ANKFN1: variants seen among roughly 807,000 people sequenced by gnomAD.
ANKFN1 encodes ankyrin repeat and fibronectin type-III domain-containing protein 1.
In ANKFN1, 74 loss-of-function variants were observed where a neutral mutation model predicts 108.7. The ratio of observed to expected loss-of-function variants is 0.68; its 90% CI spans 0.56 to 0.83. The LOEUF (loss-of-function observed/expected upper bound fraction) is 0.83, where lower values mean the gene tolerates loss of function less well. Ranked by LOEUF, ANKFN1 falls within the 40% of genes least tolerant of loss-of-function variation. ANKFN1 has a pLI of 0.00. For synonymous variants in ANKFN1, 547 were observed against 516.2 expected (o/e 1.06, Z -0.81); for missense variants, 1,505 against 1,382.3 (o/e 1.09, Z -1.41).
At chr17:56,169,535 G>T (rs1188714204) in intron 1 of ANKFN1, among the ~76,000 whole-genome samples, 1 of 152,142 alleles carries the variant, frequency 6.6e-6, no homozygotes, top group Non-Finnish European at 1.5e-5. Context: ...CTCCCAAAAT[G>T]CTGGATTATA....
intron 1 of ANKFN1, chr17:56,206,463 C>T (rs1032326162): frequency 6.6e-6 from 1 of 152,076 alleles, no homozygotes; most frequent in African/African-American, 2.4e-5. Flanking sequence ...TCTAACTATT[C>T]AACCCCCTCT....
At chr17:56,141,602 C>T (rs1480597934) in intron 4 of ANKFN1, among the ~76,000 whole-genome samples, 2 of 152,014 alleles carry the variant, frequency 1.3e-5, no homozygotes, top group African/African-American at 4.8e-5. Context: ...TCTGAATCAC[C>T]CATATAGTGT....
chr17:56,465,596 A>T (rs2050046090), intron 14 of ANKFN1, among the ~76,000 whole-genome samples: 1 of 152,180 alleles, frequency 6.6e-6, no homozygotes, highest in Non-Finnish European at 1.5e-5. Flanking sequence ...AGGGGATTTT[A>T]TCCTATTCAT....
chr17:56,484,587 AG>A (rs1267702560), intron 18 of ANKFN1, among the ~76,000 whole-genome samples: 4 of 152,290 alleles, frequency 2.6e-5, no homozygotes, highest in African/African-American at 9.6e-5. Context: ...TTGAGACTGA[AG>A]GTGCTAAGTC....
chr17:56,391,368 ATGTGTGTGTGTGTGTG>A (rs199687714), intron 8 of ANKFN1, among the ~76,000 whole-genome samples: 3,397 of 128,714 alleles, frequency 0.026, 77 homozygotes, highest in Non-Finnish European at 0.038. Context: ...ACATATATAT[ATGTGTGTGTGTGTGTG>A]TGTGTGTGTG....
chr17:56,383,655 C>A (rs1453204603), intron 8 of ANKFN1, among the ~76,000 whole-genome samples: 1 of 152,174 alleles, frequency 6.6e-6, no homozygotes. Context: ...GATATCACCA[C>A]CGATCCCACA....
intron 4 of ANKFN1, among the ~76,000 whole-genome samples, chr17:56,115,174 G>A (rs1003578222): frequency 3.3e-5 from 5 of 152,198 alleles, no homozygotes; most frequent in Non-Finnish European, 5.9e-5. Flanking sequence ...TGTGCCATTT[G>A]TCTCAGCAGT....
In ANKFN1 at chr17:56,354,002, T is replaced by C; in HGVS notation, c.557T>C (p.Ile186Thr). Residue 186 changes from isoleucine to threonine, a missense_variant, in exon 6 of 21, where the codon ATT becomes ACT. Ile to Thr is a moderately conservative substitution (Grantham distance 89). Transcript: ENST00000682825. ...DIAIMTNNVP[I>T]ARILLRTGAR... The stretch of plus-strand genomic sequence containing the variant: ...GCCATCATGACCAACAATGTGCCCA[T>C]TGCAAGGATTCTTCTGAGGACAGGG... 1.9e-6 allele frequency: 3 copies of C among 1,613,896 alleles called. No homozygotes were observed. The highest frequency in any genetic ancestry group is 2.5e-6 in the Non-Finnish European group (3 of 1,179,944).
intron 4 of ANKFN1, among the ~76,000 whole-genome samples, chr17:56,327,361 A>G (rs766081849): frequency 1.8e-4 from 27 of 152,126 alleles, no homozygotes; most frequent in Non-Finnish European, 3.7e-4. Context: ...TATAAGTGTC[A>G]TATAGAGTTT....
At chr17:56,287,259 G>A (rs544241971) in intron 3 of ANKFN1, among the ~76,000 whole-genome samples, 14 of 152,210 alleles carry the variant, frequency 9.2e-5, no homozygotes, top group South Asian at 4.2e-4. Context: ...CTCTACGAAC[G>A]GAAAAGCAGC....
At chr17:56,068,927 G>A (rs1466056766) in intron 4 of ANKFN1, among the ~76,000 whole-genome samples, 1 of 152,146 alleles carries the variant, frequency 6.6e-6, no homozygotes, top group Non-Finnish European at 1.5e-5. Flanking sequence ...CATGATGTAT[G>A]TTGATTCTAG....
intron 1 of ANKFN1, among the ~76,000 whole-genome samples, chr17:56,169,452 T>C (rs978745887): frequency 5.3e-5 from 8 of 152,182 alleles, no homozygotes; most frequent in Middle Eastern, 3.2e-3. Flanking sequence ...TAATGTTTTA[T>C]TGAGACAAAG....
chr17:56,466,619 C>T (rs1598659905), intron 15 of ANKFN1, 48 bp downstream of exon 15: 1 of 1,491,938 alleles, frequency 6.7e-7, no homozygotes, highest in Non-Finnish European at 9.1e-7. Context: ...GGTTCCAAAC[C>T]CAATTATTGA....
rs757377867 is a variant in ANKFN1, at chr17:56,153,517, C to T, written c.-84C>T. The T allele has an allele frequency of 1.3e-5, 21 of 1,613,946 alleles. No homozygotes were observed. The Admixed American group carries it at 1.7e-4, about 13-fold the overall frequency. ...CTCAGTCCTGTGTCTCTCATGGAGGCGTCTCTAACCAGGGTAGGAAAACAA... is the reference window on the plus strand; with the variant it reads ...CTCAGTCCTGTGTCTCTCATGGAGGTGTCTCTAACCAGGGTAGGAAAACAA... On this transcript the variant is annotated 5_prime_UTR_variant, in exon 1 of 21. Transcript: ENST00000682825.
intron 4 of ANKFN1, among the ~76,000 whole-genome samples, chr17:56,073,150 G>A (rs1200724121): frequency 6.6e-6 from 1 of 151,586 alleles, no homozygotes; most frequent in African/African-American, 2.4e-5. Context: ...CCGCCACTAC[G>A]TCTGGCTAAT....
intron 8 of ANKFN1, among the ~76,000 whole-genome samples, chr17:56,390,990 T>C (rs1339500348): frequency 6.6e-6 from 1 of 151,724 alleles, no homozygotes; most frequent in African/African-American, 2.4e-5. Flanking sequence ...CAGATTTCTT[T>C]ATTATAGAAC....
At chr17:56,384,279 C>G (rs981733613) in intron 8 of ANKFN1, among the ~76,000 whole-genome samples, 11 of 152,082 alleles carry the variant, frequency 7.2e-5, no homozygotes, top group African/African-American at 2.7e-4. Context: ...AATTCAACAA[C>G]CCTTCATGCT....
chr17:56,280,147 C>T (rs2044037880), intron 3 of ANKFN1, among the ~76,000 whole-genome samples: 1 of 151,822 alleles, frequency 6.6e-6, no homozygotes, highest in Admixed American at 6.6e-5. Flanking sequence ...GTATCTGGGA[C>T]TACAGGTGCA....
intron 4 of ANKFN1, among the ~76,000 whole-genome samples, chr17:56,057,978 G>A (rs1331939015): frequency 6.6e-6 from 1 of 152,120 alleles, no homozygotes; most frequent in Non-Finnish European, 1.5e-5. Context: ...CTGTTTTTCT[G>A]AGCAGTACTT....
Sources: allele counts gnomAD v4.1 joint callset (sites outside exome capture counted in the v4.1 genomes callset), GRCh38; gene constraint gnomAD v4.1.1; transcripts MANE v1.5; gene names NCBI Gene and HGNC (gene_info 2026-07-23, HGNC 2026-07-21).